GRM7: variants seen among roughly 807,000 people sequenced by gnomAD.
GRM7 encodes the protein metabotropic glutamate receptor 7.
GRM7 carries 35 observed loss-of-function variants against 84.5 expected under a neutral mutation model. That is an observed-to-expected ratio of 0.41 (90% confidence interval 0.32 to 0.55). GRM7 has a LOEUF of 0.55. GRM7 is among the 20% of genes least tolerant of loss of function. The probability of loss-of-function intolerance (pLI) is 0.19; values close to 1 mark genes in which losing one functional copy is unlikely to be tolerated. For synonymous variants in GRM7, 487 were observed against 455.1 expected, an observed-to-expected ratio of 1.07 and a Z score of -0.89; for missense variants, 1,003 against 1,194.6, an observed-to-expected ratio of 0.84 and a Z score of 2.36.
At chr3:6,864,156 C>G (rs1232999019) in intron 1 of GRM7, among the ~76,000 whole-genome samples, 4 of 152,182 alleles carry the variant, frequency 2.6e-5, no homozygotes, top group African/African-American at 9.6e-5. Flanking sequence ...CAAATTGCAG[C>G]TATTCATGTT....
chr3:7,163,488 C>T (rs1317000152), intron 2 of GRM7, among the ~76,000 whole-genome samples: 1 of 152,190 alleles, frequency 6.6e-6, no homozygotes, highest in Non-Finnish European at 1.5e-5. Context: ...CCTACTCTGT[C>T]CTCATTGCAG....
intron 2 of GRM7, among the ~76,000 whole-genome samples, chr3:7,171,437 A>G (rs909644964): frequency 1.3e-5 from 2 of 152,154 alleles, no homozygotes; most frequent in African/African-American, 4.8e-5. Context: ...ATTGGGGGTT[A>G]AGACTTCAAT....
At chr3:6,889,827 T>C (rs1023715073) in intron 1 of GRM7, among the ~76,000 whole-genome samples, 9 of 152,108 alleles carry the variant, frequency 5.9e-5, no homozygotes, top group Admixed American at 3.3e-4. Context: ...CTCCTTGTAC[T>C]TCTGGTAGAA....
At chr3:6,925,107 C>A (rs988843350) in intron 1 of GRM7, among the ~76,000 whole-genome samples, 8 of 152,084 alleles carry the variant, frequency 5.3e-5, no homozygotes, top group Non-Finnish European at 1.0e-4. Context: ...CAAAAGTAAT[C>A]CATCTAGAGA....
At chr3:6,986,400 T>C in intron 1 of GRM7, among the ~76,000 whole-genome samples, 1 of 144,312 alleles carries the variant, frequency 6.9e-6, no homozygotes, top group South Asian at 2.2e-4. Context: ...AAAATGAAAA[T>C]GAAAAATAAT....
intron 3 of GRM7, among the ~76,000 whole-genome samples, chr3:7,304,308 C>CT (rs34986687): frequency 0.054 from 5,324 of 97,968 alleles, 448 homozygotes; most frequent in African/African-American, 0.18. Flanking sequence ...ATCATCCATC[C>CT]TTTTTTTTTT....
At chr3:7,441,291 A>G (rs992876718) in intron 5 of GRM7, among the ~76,000 whole-genome samples, 3 of 152,090 alleles carry the variant, frequency 2.0e-5, no homozygotes, top group Non-Finnish European at 4.4e-5. Context: ...TCTTCTTTTG[A>G]AAAGAAGTGT....
chr3:6,877,811 A>T (rs200833580), intron 1 of GRM7, among the ~76,000 whole-genome samples: 2 of 7,226 alleles, frequency 2.8e-4, no homozygotes, highest in East Asian at 4.2e-3. Context: ...CACAGATATC[A>T]CACACACACA....
At chr3:7,051,359 G>T (rs1696992968) in intron 1 of GRM7, among the ~76,000 whole-genome samples, 1 of 151,720 alleles carries the variant, frequency 6.6e-6, no homozygotes, top group African/African-American at 2.4e-5. Context: ...AAAAATTCCT[G>T]CTCAACTGGG....
chr3:7,543,098 G>A (rs1025034235), intron 7 of GRM7, among the ~76,000 whole-genome samples: 3 of 152,160 alleles, frequency 2.0e-5, no homozygotes, highest in African/African-American at 7.2e-5. Flanking sequence ...GAATAAGCCA[G>A]AAGCAATTAT....
At chr3:7,411,165 G>A (rs1695920554) in intron 4 of GRM7, among the ~76,000 whole-genome samples, 1 of 152,134 alleles carries the variant, frequency 6.6e-6, no homozygotes, top group Non-Finnish European at 1.5e-5. Context: ...GAATAATCCA[G>A]GATCATCCTG....
intron 7 of GRM7, among the ~76,000 whole-genome samples, chr3:7,511,905 G>T (rs1700223799): frequency 6.6e-6 from 1 of 152,188 alleles, no homozygotes; most frequent in Non-Finnish European, 1.5e-5. Flanking sequence ...ACTTTGGGAG[G>T]CTGAGGTGGG....
At chr3:6,945,633 G>A (rs1384983661) in intron 1 of GRM7, among the ~76,000 whole-genome samples, 19 of 152,036 alleles carry the variant, frequency 1.2e-4, no homozygotes, top group African/African-American at 3.6e-4. Flanking sequence ...CTGAGGAATC[G>A]CCACACCGAC....
chr3:7,688,812 A>G (rs1030881450), intron 9 of GRM7, among the ~76,000 whole-genome samples: 1 of 152,212 alleles, frequency 6.6e-6, no homozygotes, highest in Non-Finnish European at 1.5e-5. Flanking sequence ...ACAGCAAATC[A>G]AATATTTGCT....
chr3:7,598,440 T>C (rs1451757756), intron 8 of GRM7, among the ~76,000 whole-genome samples: 1 of 152,184 alleles, frequency 6.6e-6, no homozygotes, highest in African/African-American at 2.4e-5. Flanking sequence ...AGCTTTCATA[T>C]CTAACCCATT....
intron 7 of GRM7, among the ~76,000 whole-genome samples, chr3:7,548,915 C>G (rs763655863): frequency 6.6e-6 from 1 of 152,158 alleles, no homozygotes; most frequent in Non-Finnish European, 1.5e-5. Context: ...TTCACAGAGC[C>G]TAGAACTCTG....
At chr3:7,375,624 G>A (rs1294811667) in intron 4 of GRM7, among the ~76,000 whole-genome samples, 9 of 151,908 alleles carry the variant, frequency 5.9e-5, no homozygotes, top group Non-Finnish European at 1.2e-4. Flanking sequence ...CACCTCCATG[G>A]GCTTTGCTGT....
At chr3:7,064,471 T>TAG (rs1697558270) in intron 1 of GRM7, among the ~76,000 whole-genome samples, 2 of 98,656 alleles carry the variant, frequency 2.0e-5, no homozygotes, top group Non-Finnish European at 4.1e-5. Context: ...TACATATATA[T>TAG]ATATATATAC....
At chr3:7,119,976 A>G (rs886775402) in intron 1 of GRM7, among the ~76,000 whole-genome samples, 2 of 152,120 alleles carry the variant, frequency 1.3e-5, no homozygotes, top group African/African-American at 4.8e-5. Flanking sequence ...AGAGATGGCA[A>G]TCTTTCATTA....
Sources: gnomAD v4.1 joint callset for allele counts (sites outside exome capture counted in the v4.1 genomes callset) on GRCh38, gnomAD v4.1.1 for gene constraint, MANE v1.5 for transcripts, NCBI Gene and HGNC (gene_info 2026-07-23, HGNC 2026-07-21) for gene names.